CLCN1: variants seen among roughly 807,000 people sequenced by gnomAD.
CLCN1 encodes chloride channel protein 1.
CLCN1 carries 100 observed loss-of-function variants against 114.5 expected under a neutral mutation model. The observed-to-expected ratio is 0.87, with a 90% CI of 0.74 to 1.03. The LOEUF (loss-of-function observed/expected upper bound fraction) is 1.03. CLCN1 is among the 50% of genes least tolerant of loss of function. The pLI is 0.00. For synonymous variants in CLCN1, 485 were observed against 487.1 expected, an observed-to-expected ratio of 1.00 and a Z score of 0.06; for missense variants, 1,188 against 1,250.0, an observed-to-expected ratio of 0.95 and a Z score of 0.75.
intron 20 of CLCN1, among the ~76,000 whole-genome samples, chr7:143,347,297 A>C (rs549123810): frequency 6.6e-6 from 1 of 152,268 alleles, no homozygotes; most frequent in East Asian, 1.9e-4. Context: ...GGCTGGCACT[A>C]AAACAGCAAC....
At chr7:143,322,460 C>T (rs1321209150) in intron 5 of CLCN1, among the ~76,000 whole-genome samples, 3 of 152,202 alleles carry the variant, frequency 2.0e-5, no homozygotes. Context: ...GGATCAGTCT[C>T]ATCTGACCCC....
chr7:143,349,175 G>A (rs1318134326), intron 20 of CLCN1, among the ~76,000 whole-genome samples: 1 of 152,198 alleles, frequency 6.6e-6, no homozygotes, highest in Non-Finnish European at 1.5e-5. Context: ...ACCAAACCAT[G>A]GTTGGCAAGG....
In CLCN1 at chr7:143,350,366, T is replaced by C; in HGVS notation, c.2404-6T>C. 4 of 1,612,774 alleles carry C rather than the reference T, an allele frequency of 2.5e-6. No individual in the cohort carries two copies. The highest frequency in any genetic ancestry group is 3.4e-6 in the Non-Finnish European group (4 of 1,178,962). ...ATTTTCGTGACTTTCCTCCTCTGGCTGACAGATTGAGGCCTGGGAGCAGGA... is the reference window on the plus strand; with the variant it reads ...ATTTTCGTGACTTTCCTCCTCTGGCCGACAGATTGAGGCCTGGGAGCAGGA... On this transcript the variant is annotated splice_polypyrimidine_tract_variant and splice_region_variant and intron_variant, in intron 20 of 22. Coordinates refer to ENST00000343257, the MANE Select transcript of CLCN1 (RefSeq NM_000083.3). The surrounding 1 kb of genome is among the most constrained non-coding windows in gnomAD (Gnocchi z 5.1).
rs1563091498 is a variant in CLCN1 at position 143,351,935 on chromosome 7, C to CGCAGAGGAGGATGAGGATGAACGCA, written c.2938_2939insCAGAGGAGGATGAGGATGAACGCAG (p.Glu980AlafsTer12). The CGCAGAGGAGGATGAGGATGAACGCA allele has an allele frequency of 1.2e-6, 2 of 1,613,340 alleles. No individual in the cohort carries two copies. The highest frequency in any genetic ancestry group is 2.2e-5 in the South Asian group (2 of 91,042). ...AGGGCCCCAGCCTGCGATCCACAGA[C>CGCAGAGGAGGATGAGGATGAACGCA]GAGGAGGATGAGGATGAACTGATCC... is the stretch of plus-strand genomic sequence containing the variant. On this transcript the variant is annotated frameshift_variant, in exon 23 of 23. Coordinates refer to ENST00000343257, the MANE Select transcript of CLCN1 (RefSeq NM_000083.3). LOFTEE classifies it high-confidence loss of function.
chr7:143,341,770 G>T (rs1803082176), intron 14 of CLCN1, among the ~76,000 whole-genome samples, 159 bp from the exon 15 acceptor site: 1 of 152,082 alleles, frequency 6.6e-6, no homozygotes, highest in East Asian at 1.9e-4. Flanking sequence ...TTTTCTAAGA[G>T]TTCAGTATTC....
At chr7:143,337,710 G>A (rs1322203469) in intron 12 of CLCN1, among the ~76,000 whole-genome samples, 1 of 144,332 alleles carries the variant, frequency 6.9e-6, no homozygotes, top group African/African-American at 2.6e-5. Context: ...ATATAAACCT[G>A]TTGCTTTGCT....
Position 143,320,206 on chromosome 7 carries a change from A to G in CLCN1, c.301+331A>G, listed in dbSNP as rs1802387776. Among the ~76,000 whole-genome samples, 3 of 152,300 alleles carry G rather than the reference A, an allele frequency of 2.0e-5. No homozygotes were observed. In the South Asian group the frequency reaches 6.2e-4, roughly 32 times the overall value. ...CTGAGGCTGGTCTTGAACTCCTGGC[A>G]TCAAGCAATCCTCCCGCCTTAGCCT... On this transcript the variant is annotated intron_variant, in intron 2 of 22. Coordinates refer to ENST00000343257, the MANE Select transcript of CLCN1 (RefSeq NM_000083.3).
chr7:143,320,579 C>A, intron 2 of CLCN1, 85 bp from the exon 3 acceptor site: 2 of 1,139,220 alleles, frequency 1.8e-6, no homozygotes, highest in Non-Finnish European at 2.5e-6. Flanking sequence ...CTCTCTCTCT[C>A]TCTCTCTGTC....
intron 3 of CLCN1, 71 bp downstream of exon 3, chr7:143,320,866 T>C: frequency 6.3e-7 from 1 of 1,582,506 alleles, no homozygotes; most frequent in African/African-American, 1.3e-5. Flanking sequence ...GGGTGTGTTA[T>C]CGGAAGCGAA....
At chr7:143,351,270 C>T (rs904980839) in intron 22 of CLCN1, among the ~76,000 whole-genome samples, 3 of 151,882 alleles carry the variant, frequency 2.0e-5, no homozygotes, top group South Asian at 2.1e-4. Context: ...CACAGTTTCT[C>T]GGGGATGCGC....
At chr7:143,319,704 A>ATTTT (rs773073006) in intron 1 of CLCN1, 51 bp from the exon 2 acceptor site, 387 of 1,602,432 alleles carry the variant, frequency 2.4e-4, no homozygotes, top group Middle Eastern at 1.5e-3. Context: ...TCTGTCTATT[A>ATTTT]TTTTTTTAGT....
intron 7 of CLCN1, among the ~76,000 whole-genome samples, chr7:143,325,524 T>C (rs1802552834): frequency 6.6e-6 from 1 of 152,252 alleles, no homozygotes; most frequent in Admixed American, 6.5e-5. Flanking sequence ...TGTCCTCAGC[T>C]CTACTCATTA....
Position 143,342,020 on chromosome 7 carries a change from C to A in CLCN1, c.1674C>A (p.Pro558=), listed in dbSNP as rs761240483. ...ELTGQIAHIL[P]MMVAVILANM... ...CGGGTCAGATTGCTCACATCCTGCC[C>A]ATGATGGTGGCTGTTATCTTGGCCA... Residue 558 remains proline (P), a synonymous_variant, in exon 15 of 23, where the codon CCC becomes CCA. Transcript: ENST00000343257. 1.1e-5 allele frequency: 17 copies of A among 1,614,062 alleles called. No homozygotes were observed. Among genetic ancestry groups the A allele is most frequent in the Non-Finnish European group, 1.4e-5 (16 of 1,180,032 alleles).
chr7:143,323,284 C>T (rs1358993503), intron 5 of CLCN1, 25 bp from the exon 6 acceptor site: 11 of 1,398,670 alleles, frequency 7.9e-6, no homozygotes, highest in East Asian at 2.3e-5. Context: ...CTCTGACCCC[C>T]GCCCCCTCGC....
intron 12 of CLCN1, among the ~76,000 whole-genome samples, chr7:143,335,872 G>A (rs1217813007): frequency 1.3e-5 from 2 of 152,036 alleles, no homozygotes; most frequent in African/African-American, 4.8e-5. Flanking sequence ...TTGTTAGCCA[G>A]GATGGTCTCG....
chr7:143,316,942 A>G (rs1002403876), intron 1 of CLCN1, among the ~76,000 whole-genome samples: 1 of 152,252 alleles, frequency 6.6e-6, no homozygotes, highest in Non-Finnish European at 1.5e-5. Context: ...TTTAGGTCGC[A>G]AGATGATCAA....
In CLCN1 at chr7:143,339,405, G is replaced by A; in HGVS notation, c.1471+83G>A. ...AACATAAGGAAAGGCCCGGGATGCTGGGAGTTTATATTTGTTCTTAATGCC... is the reference window on the plus strand; with the variant it reads ...AACATAAGGAAAGGCCCGGGATGCTAGGAGTTTATATTTGTTCTTAATGCC... On this transcript the variant is annotated intron_variant, in intron 13 of 22. Transcript: ENST00000343257. This position sits in a 1 kb window ranked among gnomAD's most constrained non-coding sequence, Gnocchi z 4.1. 1 of 1,382,302 alleles carries A rather than the reference G, an allele frequency of 7.2e-7. No individual in the cohort carries two copies. Among genetic ancestry groups the A allele is most frequent in the Non-Finnish European group, 1.0e-6 (1 of 968,896 alleles). 85.6% of individuals were successfully genotyped at this position (1,382,302 alleles called of 1,614,324 possible). A position where few individuals can be genotyped will look rare whatever the true frequency, so the allele number is the denominator to read the frequency against.
chr7:143,330,968 C>A lies in CLCN1; in HGVS notation c.979+71C>A, dbSNP rs559136434. ...TGGGAATGGGGTGCAGAGGAAAACT[C>A]TGTGGGGCAGTTCAGAAAAGGAATA... On this transcript the variant is annotated intron_variant, in intron 8 of 22. Transcript: ENST00000343257. 19 of 1,606,918 alleles carry A rather than the reference C, an allele frequency of 1.2e-5. No homozygotes were observed. In the South Asian group the frequency reaches 2.0e-4, roughly 17 times the overall value.
chr7:143,327,561 T>G (rs1802608611), intron 7 of CLCN1, among the ~76,000 whole-genome samples: 2 of 152,200 alleles, frequency 1.3e-5, no homozygotes, highest in Non-Finnish European at 2.9e-5. Flanking sequence ...ATTGTCATAG[T>G]CCTGATGCTA....
Sources: gnomAD v4.1 joint callset for allele counts (sites outside exome capture counted in the v4.1 genomes callset) on GRCh38, gnomAD v4.1.1 for gene constraint, Gnocchi (gnomAD v3.1) non-coding constraint, MANE v1.5 for transcripts, NCBI Gene and HGNC (gene_info 2026-07-23, HGNC 2026-07-21) for gene names.